The following PDE4C variants were observed in gnomAD, a reference collection of about 807,000 sequenced individuals.
PDE4C encodes the protein phosphodiesterase 4C.
Under a neutral mutation model 63.9 loss-of-function variants are expected in PDE4C, and 50 were observed. The observed-to-expected ratio is 0.78, with a 90% CI of 0.62 to 0.99. PDE4C has a LOEUF of 0.99. PDE4C is among the 50% of genes least tolerant of loss of function. The probability of loss-of-function intolerance (pLI) is 0.00; values close to 1 mark genes in which losing one functional copy is unlikely to be tolerated. For synonymous variants in PDE4C, 377 were observed against 385.1 expected (o/e 0.98, Z 0.25); for missense variants, 777 against 899.1 (o/e 0.86, Z 1.74).
At chr19:18,240,829 G>A (rs1969023776) in intron 1 of PDE4C, among the ~76,000 whole-genome samples, 1 of 152,212 alleles carries the variant, frequency 6.6e-6, no homozygotes. Context: ...ACGGATGTGA[G>A]TTGAACTTGA....
At chr19:18,252,490 C>T (rs143005267), upstream of PDE4C, 808 of 385,470 alleles carry the variant, frequency 2.1e-3, 12 homozygotes, top group East Asian at 0.027. Flanking sequence ...AAAAACTGGG[C>T]GCGGTGGCTC....
At chr19:18,254,358 C>T in the PDE4C span, among the ~76,000 whole-genome samples, 49 of 152,318 alleles carry the variant, frequency 3.2e-4, no homozygotes, top group Middle Eastern at 3.4e-3. Flanking sequence ...TTGGAGGACA[C>T]AAGCCCTGTT....
At chr19:18,218,087 G>T in intron 11 of PDE4C, 62 bp downstream of exon 11, 1 of 1,248,960 alleles carries the variant, frequency 8.0e-7, no homozygotes, top group African/African-American at 1.5e-5. Context: ...GAGATCACCT[G>T]GTGGACAGGG....
exon 2 of PDE4C, chr19:18,222,237 G>A: frequency 6.2e-7 from 1 of 1,614,180 alleles, no homozygotes. Flanking sequence ...GTGCGGGACT[G>A]GAGCCTGCAT....
At chr19:18,232,796 C>T (rs953063599) in intron 1 of PDE4C, among the ~76,000 whole-genome samples, 2 of 152,162 alleles carry the variant, frequency 1.3e-5, no homozygotes, top group Non-Finnish European at 2.9e-5. Flanking sequence ...CAGCTCCACC[C>T]CTACGTAGAA....
chr19:18,249,393 G>A (rs915200476), upstream of PDE4C, among the ~76,000 whole-genome samples: 1 of 152,062 alleles, frequency 6.6e-6, no homozygotes, highest in African/African-American at 2.4e-5. Flanking sequence ...TCCTGCCTCA[G>A]CCTCCCTAAT....
chr19:18,223,722 C>T (rs893163885), intron 1 of PDE4C, among the ~76,000 whole-genome samples: 13 of 152,242 alleles, frequency 8.5e-5, no homozygotes, highest in Non-Finnish European at 1.8e-4. Context: ...CATCCAAAGA[C>T]TGCGACTGGA....
the PDE4C span, chr19:18,255,083 C>G: frequency 1 from 392,617 of 393,264 alleles, 195,989 homozygotes; most frequent in East Asian, 1. This position sits in a 1 kb window ranked among gnomAD's most constrained non-coding sequence, Gnocchi z 4.6. Flanking sequence ...TGGGGGAAAA[C>G]CCAGCCTTCC....
chr19:18,230,579 A>G (rs191618164), upstream of PDE4C, among the ~76,000 whole-genome samples: 7 of 152,208 alleles, frequency 4.6e-5, no homozygotes, highest in Admixed American at 6.5e-5. Flanking sequence ...ACACTGATCC[A>G]TTTTCAGCTC....
intron 9 of PDE4C, among the ~76,000 whole-genome samples, 193 bp from the exon 10 acceptor site, chr19:18,218,691 C>G (rs1443139335): frequency 6.6e-6 from 1 of 152,258 alleles, no homozygotes; most frequent in Non-Finnish European, 1.5e-5. Context: ...CTGGGGGTGT[C>G]TCTGTCCAGC....
upstream of PDE4C, among the ~76,000 whole-genome samples, chr19:18,252,980 T>C (rs1969248963): frequency 6.6e-6 from 1 of 152,194 alleles, no homozygotes; most frequent in Admixed American, 6.6e-5. Flanking sequence ...TAGGACACCA[T>C]GTGAGCTCTC....
intron 1 of PDE4C, chr19:18,224,290 C>A (rs191477547): frequency 2.0e-6 from 2 of 985,376 alleles, no homozygotes; most frequent in African/African-American, 3.5e-5. Flanking sequence ...GGAAGACAAC[C>A]GGGACCGCCT....
chr19:18,253,048 T>C (rs76509469), upstream of PDE4C, among the ~76,000 whole-genome samples: 12,995 of 152,270 alleles, frequency 0.085, 1,888 homozygotes, highest in African/African-American at 0.29. Context: ...TCCCACAGCC[T>C]GGGTTCAAGT....
intron 1 of PDE4C, among the ~76,000 whole-genome samples, chr19:18,225,098 C>G (rs1361850320): frequency 1.3e-5 from 2 of 152,174 alleles, no homozygotes; most frequent in Admixed American, 6.5e-5. Flanking sequence ...GTTTTTCTTT[C>G]TGCTCTAAAC....
chr19:18,241,223 TTTTCTTTTCTTTC>T (rs1185649396), intron 1 of PDE4C, among the ~76,000 whole-genome samples: 1 of 151,386 alleles, frequency 6.6e-6, no homozygotes, highest in Non-Finnish European at 1.5e-5. Context: ...TCATTTTCTT[TTTTCTTTTCTTTC>T]TTTCTTTTTT....
upstream of PDE4C, among the ~76,000 whole-genome samples, chr19:18,249,719 C>T (rs1969206220): frequency 6.6e-6 from 1 of 151,984 alleles, no homozygotes; most frequent in Non-Finnish European, 1.5e-5. Flanking sequence ...ATTACAGGCA[C>T]CTGCCACCAC....
chr19:18,241,892 G>A (rs575241367), intron 1 of PDE4C, among the ~76,000 whole-genome samples: 2 of 152,266 alleles, frequency 1.3e-5, no homozygotes, highest in African/African-American at 4.8e-5. Flanking sequence ...TTCCAGATGG[G>A]AGAACTCCCT....
At chr19:18,228,690 T>C (rs1968791229), upstream of PDE4C, among the ~76,000 whole-genome samples, 1 of 152,236 alleles carries the variant, frequency 6.6e-6, no homozygotes, top group South Asian at 2.1e-4. Flanking sequence ...TGTTAATTAA[T>C]AGCTGTTCGG....
At chr19:18,223,824 G>A (rs1813295360) in intron 1 of PDE4C, among the ~76,000 whole-genome samples, 1 of 152,204 alleles carries the variant, frequency 6.6e-6, no homozygotes, top group South Asian at 2.1e-4. Context: ...ACCTGGAGGA[G>A]GCCGGGGTTC....
Sources: gnomAD v4.1 joint callset for allele counts (sites outside exome capture counted in the v4.1 genomes callset) on GRCh38, gnomAD v4.1.1 for gene constraint, Gnocchi (gnomAD v3.1) non-coding constraint, MANE v1.5 for transcripts, NCBI Gene and HGNC (gene_info 2026-07-23, HGNC 2026-07-21) for gene names.